The following CPPED1 variants were observed in gnomAD, a reference collection of about 807,000 sequenced individuals.
The protein encoded by CPPED1 is calcineurin like phosphoesterase domain containing 1.
CPPED1 carries 28 observed loss-of-function variants against 28.0 expected under a neutral mutation model. That is an observed-to-expected ratio of 1.00 (90% CI 0.74 to 1.37). The LOEUF (loss-of-function observed/expected upper bound fraction) is 1.37, where lower values mean the gene tolerates loss of function less well. Among genes scored for constraint, CPPED1 ranks in the 40% most tolerant of loss-of-function variants. The pLI, the probability that CPPED1 is intolerant of heterozygous loss-of-function variation, is 0.00. For missense variants in CPPED1, 504 were observed against 416.5 expected, an observed-to-expected ratio of 1.21 and a Z score of -1.83; for synonymous variants, 198 against 180.2, an observed-to-expected ratio of 1.10 and a Z score of -0.79.
intron 2 of CPPED1, among the ~76,000 whole-genome samples, chr16:12,767,578 A>T (rs997589421): frequency 1.3e-5 from 2 of 151,938 alleles, no homozygotes; most frequent in African/African-American, 4.9e-5. Context: ...CTATGCAAAC[A>T]CACTGGACTT....
chr16:12,688,102 T>C (rs536017862), intron 3 of CPPED1, among the ~76,000 whole-genome samples: 6 of 151,288 alleles, frequency 4.0e-5, no homozygotes, highest in African/African-American at 9.8e-5. Flanking sequence ...CGATCATGGT[T>C]TACTGCAGCC....
At chr16:12,720,822 C>T (rs1487933573) in intron 2 of CPPED1, among the ~76,000 whole-genome samples, 3 of 152,214 alleles carry the variant, frequency 2.0e-5, no homozygotes, top group Non-Finnish European at 2.9e-5. Context: ...GCTTAGTTTA[C>T]AGCTCAACAC....
chr16:12,770,331 C>G (rs2080462819), intron 2 of CPPED1, among the ~76,000 whole-genome samples: 1 of 152,170 alleles, frequency 6.6e-6, no homozygotes, highest in Non-Finnish European at 1.5e-5. Flanking sequence ...TGAGGATGCT[C>G]ACAGCAGCAC....
intron 2 of CPPED1, among the ~76,000 whole-genome samples, chr16:12,707,139 T>C (rs1363206653): frequency 6.6e-6 from 1 of 152,226 alleles, no homozygotes; most frequent in Non-Finnish European, 1.5e-5. Flanking sequence ...AAGTCCTTTG[T>C]AGCTTTGAAC....
intron 2 of CPPED1, among the ~76,000 whole-genome samples, chr16:12,731,246 C>T (rs904998254): frequency 3.5e-4 from 53 of 151,480 alleles, no homozygotes; most frequent in Non-Finnish European, 5.9e-4. Flanking sequence ...CTCCACCCCC[C>T]GGGTTCATGC....
At position 12,676,944 on chromosome 16, in the gene CPPED1, G is replaced by A. The variant is rs567770476; in HGVS notation, c.716-11829C>T. ...GTAGTTTGCCTAACTCAGCCTGTAA[G>A]TGTTGAAGCAGGATCTGAACCCAGG... On this transcript the variant is annotated intron_variant, in intron 3 of 3. Coordinates refer to ENST00000381774, the MANE Select transcript of CPPED1 (RefSeq NM_018340.3). 6.6e-5 allele frequency among the ~76,000 whole-genome samples: 10 copies of A among 152,276 alleles called. No homozygotes were observed. The South Asian group carries it at 1.2e-3, about 19-fold the overall frequency.
In CPPED1 at chr16:12,695,865, T is replaced by G. The variant is rs559713925; in HGVS notation, c.715+8759A>C. 2.6e-5 allele frequency among the ~76,000 whole-genome samples: 4 copies of G among 152,358 alleles called. No individual in the cohort carries two copies. In the East Asian group the frequency reaches 7.7e-4, roughly 29 times the overall value. ...GTCTGCCTGATTTACGAATTATTCT[T>G]TGCTCAACTAAACTGTGAACTTTAA... On this transcript the variant is annotated intron_variant, in intron 3 of 3. Coordinates refer to ENST00000381774, the MANE Select transcript of CPPED1 (RefSeq NM_018340.3).
At chr16:12,668,375 T>C (rs760021534) in intron 3 of CPPED1, among the ~76,000 whole-genome samples, 1 of 152,144 alleles carries the variant, frequency 6.6e-6, no homozygotes, top group Non-Finnish European at 1.5e-5. Context: ...TTAAAGCATA[T>C]ATAAGTTATT....
intron 3 of CPPED1, among the ~76,000 whole-genome samples, chr16:12,689,054 A>G (rs1292582419): frequency 6.6e-6 from 1 of 152,174 alleles, no homozygotes; most frequent in East Asian, 1.9e-4. Flanking sequence ...ACAAGTGGAA[A>G]CAACCTCAGT....
chr16:12,746,288 T>C (rs1567293845), intron 2 of CPPED1, among the ~76,000 whole-genome samples: 1 of 151,274 alleles, frequency 6.6e-6, no homozygotes, highest in Non-Finnish European at 1.5e-5. Flanking sequence ...AGCAGGAAAA[T>C]TGCTTGAGCC....
intron 3 of CPPED1, among the ~76,000 whole-genome samples, chr16:12,695,017 A>G (rs2079982819): frequency 6.6e-6 from 1 of 152,030 alleles, no homozygotes; most frequent in African/African-American, 2.4e-5. Flanking sequence ...ACCTCAGGTG[A>G]TCCACCGACC....
In CPPED1 at chr16:12,662,596, T is replaced by G. The variant is rs990217179; in HGVS notation, c.*2290A>C. The G allele has an allele frequency of 6.6e-6, 1 of 152,238 alleles. No homozygotes were observed. The highest frequency in any genetic ancestry group is 2.4e-5 in the African/African-American group (1 of 41,464). 9.4% of individuals were successfully genotyped at this position (152,238 alleles called of 1,614,324 possible). ...ACACTCTATGTTCATGGGTACACTT[T>G]ATGTAGCTCCCATTTATGAGTGAGA... On this transcript the variant is annotated 3_prime_UTR_variant, in exon 4 of 4. Coordinates refer to ENST00000381774, the MANE Select transcript of CPPED1 (RefSeq NM_018340.3).
chr16:12,695,001 C>A lies in CPPED1; in HGVS notation c.715+9623G>T, dbSNP rs1162393554. ...CCATGTTGGCCAGGCTGGTCTTGAA[C>A]TCCTGACCTCAGGTGATCCACCGAC... is the stretch of plus-strand genomic sequence containing the variant. On this transcript the variant is annotated intron_variant, in intron 3 of 3. Transcript: ENST00000381774. Among the ~76,000 whole-genome samples, 5 of 152,126 alleles carry A rather than the reference C, an allele frequency of 3.3e-5. No homozygotes were observed. The East Asian group carries it at 9.6e-4, about 29-fold the overall frequency.
chr16:12,677,315 A>G (rs1596442159), intron 3 of CPPED1, among the ~76,000 whole-genome samples: 2 of 152,340 alleles, frequency 1.3e-5, no homozygotes, highest in East Asian at 3.9e-4. Flanking sequence ...ATGGGGCTAT[A>G]GACTGGCTGA....
chr16:12,693,399 T>C (rs2079973677), intron 3 of CPPED1, among the ~76,000 whole-genome samples: 1 of 152,136 alleles, frequency 6.6e-6, no homozygotes, highest in Non-Finnish European at 1.5e-5. Flanking sequence ...TTTCACCATG[T>C]TGCCTAGGCT....
intron 3 of CPPED1, among the ~76,000 whole-genome samples, chr16:12,691,152 C>G (rs888938612): frequency 2.6e-5 from 4 of 152,246 alleles, no homozygotes; most frequent in African/African-American, 9.6e-5. Context: ...CTGGTTGATG[C>G]TGGGGAAGCC....
intron 1 of CPPED1, 73 bp from the exon 2 acceptor site, chr16:12,781,476 G>T (rs931734394): frequency 1.5e-6 from 2 of 1,333,882 alleles, no homozygotes; most frequent in Non-Finnish European, 2.1e-6. Context: ...AGCTTCCCAT[G>T]CAAAGTGGAT....
intron 2 of CPPED1, among the ~76,000 whole-genome samples, chr16:12,744,236 A>G (rs2080271350): frequency 6.7e-6 from 1 of 150,136 alleles, no homozygotes; most frequent in Non-Finnish European, 1.5e-5. Flanking sequence ...GTGCCACTGC[A>G]CTCCAGCCTG....
chr16:12,725,282 T>C (rs2080164070), intron 2 of CPPED1, among the ~76,000 whole-genome samples: 1 of 151,792 alleles, frequency 6.6e-6, no homozygotes, highest in South Asian at 2.1e-4. Context: ...TTAGTAGAGA[T>C]GGGGGTTTTG....
Sources: gnomAD v4.1 joint callset for allele counts (sites outside exome capture counted in the v4.1 genomes callset) on GRCh38, gnomAD v4.1.1 for gene constraint, MANE v1.5 for transcripts, NCBI Gene and HGNC (gene_info 2026-07-23, HGNC 2026-07-21) for gene names.